The following SMARCB1 variants were observed in gnomAD, a reference collection of about 807,000 sequenced individuals.
The protein encoded by SMARCB1 is SWI/SNF-related matrix-associated actin-dependent regulator of chromatin subfamily B member 1.
Under a neutral mutation model 49.0 loss-of-function variants are expected in SMARCB1, and 5 were observed. The observed-to-expected ratio is 0.10, with a 90% CI of 0.05 to 0.21. SMARCB1 has a LOEUF of 0.21. SMARCB1 is among the 10% of genes least tolerant of loss of function. The pLI, the probability that SMARCB1 is intolerant of heterozygous loss-of-function variation, is 1.00. For missense variants in SMARCB1, 226 were observed against 509.2 expected, an observed-to-expected ratio of 0.44 and a Z score of 5.35; for synonymous variants, 201 against 200.1, an observed-to-expected ratio of 1.00 and a Z score of -0.04.
At chr22:23,825,538 G>A (rs1568957896) in intron 7 of SMARCB1, 123 bp downstream of exon 7, 2 of 855,540 alleles carry the variant, frequency 2.3e-6, no homozygotes, top group South Asian at 3.3e-5. Context: ...AATCTGGCTG[G>A]GGTCTGTGTG....
Position 23,836,160 on chromosome 22 carries a change from C to T in SMARCB1, c.*1980C>T. ...GAACCTTCCAGAAGTCCCTGCCTCA[C>T]CCAGTCTCAGAACTCTGCTAAGGTG... On this transcript the variant is annotated 3_prime_UTR_variant, in exon 9 of 9. Coordinates refer to ENST00000644036, the MANE Select transcript of SMARCB1 (RefSeq NM_003073.5). 2 of 985,480 alleles carry T rather than the reference C, an allele frequency of 2.0e-6. No individual in the cohort carries two copies. Among genetic ancestry groups the T allele is most frequent in the Non-Finnish European group, 2.4e-6 (2 of 829,952 alleles). The allele number at this position is 985,480 out of a possible 1,614,324, so 61.0% of individuals were successfully genotyped here.
At chr22:23,788,714 T>C (rs932692507) in intron 1 of SMARCB1, among the ~76,000 whole-genome samples, 8 of 152,188 alleles carry the variant, frequency 5.3e-5, no homozygotes, top group African/African-American at 1.9e-4. Context: ...ACTCAGCGCA[T>C]TCATACTTTT....
chr22:23,794,535 C>G (rs920045715), intron 3 of SMARCB1, among the ~76,000 whole-genome samples: 4 of 151,970 alleles, frequency 2.6e-5, no homozygotes, highest in Non-Finnish European at 4.4e-5. Flanking sequence ...TAAGTGGGAC[C>G]AATTTGTCAG....
At chr22:23,808,466 C>T (rs1929654654) in intron 5 of SMARCB1, among the ~76,000 whole-genome samples, 1 of 151,882 alleles carries the variant, frequency 6.6e-6, no homozygotes, top group Admixed American at 6.6e-5. Flanking sequence ...CCGTGTTAGC[C>T]AGGATGGTCT....
chr22:23,816,069 G>C (rs918217905), intron 5 of SMARCB1: 1 of 154,122 alleles, frequency 6.5e-6, no homozygotes, highest in Non-Finnish European at 1.4e-5. Context: ...CCTACTGTCT[G>C]CTCTGAGGCA....
chr22:23,824,532 AGGTGG>A, intron 6 of SMARCB1: 1 of 153,960 alleles, frequency 6.5e-6, no homozygotes, highest in Non-Finnish European at 1.4e-5. Flanking sequence ...GGGCAGGTGT[AGGTGG>A]GAGCCCCTGG....
chr22:23,790,088 G>T (rs34174598), intron 1 of SMARCB1, among the ~76,000 whole-genome samples: 2 of 152,124 alleles, frequency 1.3e-5, no homozygotes, highest in East Asian at 1.9e-4. Context: ...GAGGGTGAAG[G>T]CTGGTTCAGA....
At position 23,803,131 on chromosome 22, in the gene SMARCB1, C is replaced by T. The variant is rs11090286; in HGVS notation, c.501-164C>T. 115,070 of 859,972 alleles carry T rather than the reference C, an allele frequency of 0.13. 8,948 individuals carry two copies. The highest frequency in any genetic ancestry group is 0.27 in the South Asian group (19,768 of 72,004). 53.3% of individuals were successfully genotyped at this position (859,972 alleles called of 1,614,324 possible). ...AACTGTCCCCATTAGACCGTGGCCC[C>T]GGGACCCCTGCTAGCCTCGTCTGCT... On this transcript the variant is annotated intron_variant, in intron 4 of 8. Coordinates refer to ENST00000644036, the MANE Select transcript of SMARCB1 (RefSeq NM_003073.5).
intron 4 of SMARCB1, chr22:23,803,079 A>G (rs1489896944): frequency 1.5e-6 from 1 of 648,602 alleles, no homozygotes; most frequent in East Asian, 2.6e-5. Flanking sequence ...TATTGCAGAC[A>G]GACTGGTGCT....
Position 23,794,911 on chromosome 22 carries a change from A to G in SMARCB1, c.362+1223A>G, listed in dbSNP as rs1408850034. 2.6e-5 allele frequency among the ~76,000 whole-genome samples: 4 copies of G among 152,182 alleles called. No individual in the cohort carries two copies. The East Asian group carries it at 7.7e-4, about 29-fold the overall frequency. On this transcript the variant is annotated intron_variant, in intron 3 of 8. Coordinates refer to ENST00000644036, the MANE Select transcript of SMARCB1 (RefSeq NM_003073.5). ...GAAACTCCACCTCAAAAAAAACAAA[A>G]ACAAAACAAAACTTAGAACCTTTAG...
intron 7 of SMARCB1, among the ~76,000 whole-genome samples, chr22:23,832,436 G>C (rs2030703297): frequency 6.6e-6 from 1 of 152,170 alleles, no homozygotes; most frequent in Admixed American, 6.5e-5. Context: ...CAGAGCTCAT[G>C]GTGTTTTTCA....
At chr22:23,833,929 C>T (rs1483414271) in intron 8 of SMARCB1, among the ~76,000 whole-genome samples, 1 of 152,222 alleles carries the variant, frequency 6.6e-6, no homozygotes, top group Admixed American at 6.5e-5. Context: ...TGACCACAGC[C>T]CAGATCCAGG....
At chr22:23,790,815 C>T (rs1447459535) in intron 1 of SMARCB1, among the ~76,000 whole-genome samples, 3 of 151,772 alleles carry the variant, frequency 2.0e-5, no homozygotes, top group African/African-American at 4.8e-5. Context: ...CCACTGCAAT[C>T]GAGCCTGGGT....
intron 6 of SMARCB1, chr22:23,818,142 GTGTGTGTGT>G (rs1568953164): frequency 2.3e-4 from 1 of 4,278 alleles, no homozygotes; most frequent in African/African-American, 9.4e-4. Flanking sequence ...CTTTGGGTGT[GTGTGTGTGT>G]GTGTGTGTGT....
chr22:23,825,277 T>C lies in SMARCB1; in HGVS notation c.848T>C (p.Met283Thr). The C allele has an allele frequency of 6.2e-7, 1 of 1,614,132 alleles. No individual in the cohort carries two copies. The highest frequency in any genetic ancestry group is 1.1e-5 in the South Asian group (1 of 91,086). Residue 283 changes from methionine (M) to threonine (T), a missense_variant, in exon 7 of 9, where the codon ATG becomes ACG. Coordinates refer to ENST00000644036, the MANE Select transcript of SMARCB1 (RefSeq NM_003073.5). ...CTGGTGGACCAGTTTGAGTGGGACATGTCAGAGAAGGAGAACTCACCAGAG... is the reference window on the plus strand; with the variant it reads ...CTGGTGGACCAGTTTGAGTGGGACACGTCAGAGAAGGAGAACTCACCAGAG... ...ISLVDQFEWD[M>T]SEKENSPEKF...
chr22:23,824,692 C>T (rs147228010), intron 6 of SMARCB1: 75 of 171,894 alleles, frequency 4.4e-4, no homozygotes, highest in Middle Eastern at 3.0e-3. Flanking sequence ...GAGGAGCTGG[C>T]CCAGCACTGT....
chr22:23,809,518 C>T (rs1415699926), intron 5 of SMARCB1, among the ~76,000 whole-genome samples: 3 of 150,866 alleles, frequency 2.0e-5, no homozygotes, highest in South Asian at 2.1e-4. Flanking sequence ...TCAGGTGATC[C>T]GCCCACCTCG....
At chr22:23,801,786 T>C (rs1352120791) in intron 4 of SMARCB1, 1 of 209,086 alleles carries the variant, frequency 4.8e-6, no homozygotes, top group Non-Finnish European at 9.8e-6. Flanking sequence ...AGTCTCCTTT[T>C]TTGGCCATAT....
At chr22:23,806,281 G>A (rs1929490775) in intron 5 of SMARCB1, among the ~76,000 whole-genome samples, 1 of 152,198 alleles carries the variant, frequency 6.6e-6, no homozygotes, top group African/African-American at 2.4e-5. Flanking sequence ...GGAAGACCAG[G>A]ATCGTCCATG....
Sources: gnomAD v4.1 joint callset for allele counts (sites outside exome capture counted in the v4.1 genomes callset) on GRCh38, gnomAD v4.1.1 for gene constraint, MANE v1.5 for transcripts, NCBI Gene and HGNC (gene_info 2026-07-23, HGNC 2026-07-21) for gene names.